The following GPM6A variants were observed in gnomAD, a reference collection of about 807,000 sequenced individuals.
The protein encoded by GPM6A is glycoprotein M6A.
In GPM6A, 7 loss-of-function variants were observed where a neutral mutation model predicts 32.1. That is an observed-to-expected ratio of 0.22 (90% CI 0.12 to 0.41). GPM6A has a LOEUF of 0.41. Ranked by LOEUF, GPM6A falls within the 10% of genes least tolerant of loss-of-function variation. The pLI, the probability that GPM6A is intolerant of heterozygous loss-of-function variation, is 1.00. For missense variants in GPM6A, 235 were observed against 347.2 expected, an observed-to-expected ratio of 0.68 and a Z score of 2.57; for synonymous variants, 130 against 123.4, an observed-to-expected ratio of 1.05 and a Z score of -0.35.
Position 175,800,720 on chromosome 4 carries a change from C to A in GPM6A, c.37+11471G>T, listed in dbSNP as rs564277625. ...AGAGGTAATAATGGTCAGGTTAATG[C>A]CTGGGTTACATTCAATACTGAAATG... On this transcript the variant is annotated intron_variant, in intron 1 of 6. Transcript: ENST00000393658. The A allele has an allele frequency of 2.3e-4, 44 of 190,136 alleles. No individual in the cohort carries two copies. The South Asian group carries it at 3.1e-3, about 14-fold the overall frequency. 11.8% of individuals were successfully genotyped at this position (190,136 alleles called of 1,614,324 possible). A position where few individuals can be genotyped will look rare whatever the true frequency, so the allele number is the denominator to read the frequency against.
At chr4:175,791,330 A>G (rs1734005873) in intron 1 of GPM6A, among the ~76,000 whole-genome samples, 1 of 152,204 alleles carries the variant, frequency 6.6e-6, no homozygotes, top group African/African-American at 2.4e-5. Flanking sequence ...AAATGCATCT[A>G]AAATTAGTAG....
intron 1 of GPM6A, among the ~76,000 whole-genome samples, chr4:175,879,195 C>G (rs1399602654): frequency 6.6e-6 from 1 of 152,144 alleles, no homozygotes; most frequent in Non-Finnish European, 1.5e-5. Flanking sequence ...TAGGAGGTAG[C>G]AAACTTTCCC....
intron 1 of GPM6A, among the ~76,000 whole-genome samples, chr4:175,759,382 C>A (rs1244788593): frequency 6.6e-6 from 1 of 152,030 alleles, no homozygotes; most frequent in Non-Finnish European, 1.5e-5. Flanking sequence ...AATATCAAGA[C>A]AATAAGAGGT....
intron 1 of GPM6A, among the ~76,000 whole-genome samples, chr4:175,780,500 T>C (rs1733576592): frequency 6.6e-6 from 1 of 152,246 alleles, no homozygotes; most frequent in South Asian, 2.1e-4. Flanking sequence ...TCTGTGGAAT[T>C]CATGAACGGC....
intron 1 of GPM6A, among the ~76,000 whole-genome samples, chr4:175,869,799 G>C (rs1964011): frequency 0.99 from 150,155 of 152,238 alleles, 74,096 homozygotes; most frequent in East Asian, 1. Context: ...AATACTAACA[G>C]AGCACTTACT....
At chr4:175,846,468 A>C (rs1416092053) in intron 1 of GPM6A, among the ~76,000 whole-genome samples, 1 of 152,062 alleles carries the variant, frequency 6.6e-6, no homozygotes, top group African/African-American at 2.4e-5. Flanking sequence ...TATCTTTGTA[A>C]CCCGAAGCCA....
chr4:175,894,389 T>C (rs1315587344), intron 1 of GPM6A, among the ~76,000 whole-genome samples: 3 of 152,142 alleles, frequency 2.0e-5, no homozygotes, highest in Non-Finnish European at 2.9e-5. Flanking sequence ...AAAGAACAAT[T>C]GCTCTGCCTT....
intron 1 of GPM6A, among the ~76,000 whole-genome samples, chr4:175,771,537 G>A (rs1305771048): frequency 2.9e-5 from 4 of 135,828 alleles, no homozygotes; most frequent in African/African-American, 1.1e-4. Context: ...GGGCGACAGA[G>A]TGAGACTCTG....
At chr4:175,901,419 CCTA>C (rs1207334763) in intron 1 of GPM6A, among the ~76,000 whole-genome samples, 1 of 151,654 alleles carries the variant, frequency 6.6e-6, no homozygotes. Context: ...AATACATACA[CCTA>C]CTATGTACTC....
chr4:175,884,058 T>C (rs925706899), intron 1 of GPM6A, among the ~76,000 whole-genome samples: 1 of 152,212 alleles, frequency 6.6e-6, no homozygotes, highest in Non-Finnish European at 1.5e-5. Context: ...GCTTTTCCTT[T>C]TCCTTGGAGC....
At chr4:175,858,429 G>C (rs1736479141) in intron 1 of GPM6A, among the ~76,000 whole-genome samples, 1 of 151,984 alleles carries the variant, frequency 6.6e-6, no homozygotes, top group Non-Finnish European at 1.5e-5. Flanking sequence ...CTACTCGGGA[G>C]GCTGAGGCAG....
intron 1 of GPM6A, among the ~76,000 whole-genome samples, chr4:175,735,641 C>A (rs1023290225): frequency 1.3e-5 from 2 of 151,654 alleles, no homozygotes; most frequent in Non-Finnish European, 2.9e-5. Context: ...CTCATTGCAA[C>A]CTCCGACTCC....
At chr4:175,864,495 G>A (rs911928809) in intron 1 of GPM6A, among the ~76,000 whole-genome samples, 1 of 152,010 alleles carries the variant, frequency 6.6e-6, no homozygotes, top group East Asian at 1.9e-4. Context: ...TTTGAGTAGG[G>A]TTGTTTTTCT....
intron 1 of GPM6A, among the ~76,000 whole-genome samples, chr4:175,969,686 G>C (rs886625618): frequency 5.3e-5 from 8 of 152,106 alleles, no homozygotes; most frequent in African/African-American, 1.7e-4. Flanking sequence ...ACTCCAGCCA[G>C]GGCAACAAAG....
intron 1 of GPM6A, among the ~76,000 whole-genome samples, chr4:175,791,760 C>G (rs556825862): frequency 6.6e-6 from 1 of 152,128 alleles, no homozygotes; most frequent in South Asian, 2.1e-4. Flanking sequence ...CCCATTTATT[C>G]ACACACACAC....
At chr4:175,925,269 C>T (rs2111533188) in intron 1 of GPM6A, among the ~76,000 whole-genome samples, 1 of 152,298 alleles carries the variant, frequency 6.6e-6, no homozygotes, top group African/African-American at 2.4e-5. Flanking sequence ...TTTGCATTTA[C>T]ATCAAGTGCC....
chr4:175,737,438 T>C (rs1040587691), intron 1 of GPM6A, among the ~76,000 whole-genome samples: 4 of 151,734 alleles, frequency 2.6e-5, no homozygotes, highest in Admixed American at 6.6e-5. Context: ...ACCTGGGAAG[T>C]GAAGGTTCCA....
intron 1 of GPM6A, among the ~76,000 whole-genome samples, chr4:175,933,572 T>TC (rs1739122085): frequency 6.6e-6 from 1 of 151,530 alleles, no homozygotes; most frequent in Admixed American, 6.6e-5. Context: ...TCTTAGAAGT[T>TC]TTTGTTTGTT....
chr4:175,640,460 A>G (rs1741076300), intron 5 of GPM6A, among the ~76,000 whole-genome samples: 1 of 152,202 alleles, frequency 6.6e-6, no homozygotes, highest in Non-Finnish European at 1.5e-5. Flanking sequence ...GTAACATTAT[A>G]ACAATATAAG....
Sources: gnomAD v4.1 joint callset for allele counts (sites outside exome capture counted in the v4.1 genomes callset) on GRCh38, gnomAD v4.1.1 for gene constraint, MANE v1.5 for transcripts, NCBI Gene and HGNC (gene_info 2026-07-23, HGNC 2026-07-21) for gene names.